Variants in KCNK2 observed in about 807,000 individuals in gnomAD.
KCNK2 encodes the protein potassium two pore domain channel subfamily K member 2, also known as potassium channel subfamily K member 2.
Under a neutral mutation model 40.5 loss-of-function variants are expected in KCNK2, and 21 were observed. That is an observed-to-expected ratio of 0.52 (90% CI 0.37 to 0.75). KCNK2 has a LOEUF of 0.75. Ranked by LOEUF, KCNK2 falls within the 30% of genes least tolerant of loss-of-function variation. The pLI, the probability that KCNK2 is intolerant of heterozygous loss-of-function variation, is 0.00. For synonymous variants in KCNK2, 191 were observed against 202.2 expected, an observed-to-expected ratio of 0.94 and a Z score of 0.47; for missense variants, 399 against 531.6, an observed-to-expected ratio of 0.75 and a Z score of 2.45.
chr1:215,051,975 T>G (rs1658005865), intron 1 of KCNK2, among the ~76,000 whole-genome samples: 2 of 152,216 alleles, frequency 1.3e-5, no homozygotes. Flanking sequence ...TTTCTAACAT[T>G]CAGTAATTTA....
intron 1 of KCNK2, among the ~76,000 whole-genome samples, chr1:215,028,025 T>C (rs1267017601): frequency 6.6e-6 from 1 of 152,204 alleles, no homozygotes; most frequent in East Asian, 1.9e-4. Context: ...TTCCTAAAAA[T>C]ATTAATTTTT....
rs1157701926 is a variant in KCNK2 at position 215,234,933 on chromosome 1, C to T, written c.1069C>T (p.Arg357Trp). ...TGTGGAGATTTATGACAAGTTCCAG[C>T]GGGCCACCTCCATCAAGCGGAAGCT... Reference protein sequence around the residue: ...LSVEIYDKFQRATSIKRKLSA... With the variant: ...LSVEIYDKFQWATSIKRKLSA... The change falls in exon 7 of 7, where the codon CGG becomes TGG. Residue 357 changes from arginine (R) to tryptophan (W), a missense_variant. This residue lies in a region of KCNK2 where 103 missense variants were observed against 124.3 expected (regional missense o/e 0.83). Transcript: ENST00000444842. 13 of 1,613,984 alleles carry T rather than the reference C, an allele frequency of 8.1e-6. No individual in the cohort carries two copies. Among genetic ancestry groups the T allele is most frequent in the Non-Finnish European group, 9.3e-6 (11 of 1,179,990 alleles).
chr1:215,114,537 G>A (rs1367387469), intron 2 of KCNK2, among the ~76,000 whole-genome samples: 1 of 152,144 alleles, frequency 6.6e-6, no homozygotes, highest in African/African-American at 2.4e-5. Flanking sequence ...TAACTGGTGA[G>A]TGTATGGGTG....
intron 2 of KCNK2, among the ~76,000 whole-genome samples, chr1:215,112,694 G>A (rs1444670570): frequency 6.6e-6 from 1 of 151,948 alleles, no homozygotes; most frequent in African/African-American, 2.4e-5. Flanking sequence ...AATTTTTACT[G>A]TATCTATCAT....
At chr1:215,170,438 G>T (rs138840221) in intron 4 of KCNK2, among the ~76,000 whole-genome samples, 41 of 152,192 alleles carry the variant, frequency 2.7e-4, no homozygotes, top group African/African-American at 9.1e-4. Context: ...TAGAGGGTGG[G>T]ATTATAAAGG....
intron 3 of KCNK2, among the ~76,000 whole-genome samples, chr1:215,161,266 T>G (rs956200412): frequency 6.6e-6 from 1 of 152,186 alleles, no homozygotes; most frequent in Non-Finnish European, 1.5e-5. Flanking sequence ...TCTAACCATC[T>G]GAAATTCTTT....
At chr1:215,194,085 A>G (rs1234250550) in intron 5 of KCNK2, among the ~76,000 whole-genome samples, 1 of 152,148 alleles carries the variant, frequency 6.6e-6, no homozygotes, top group Non-Finnish European at 1.5e-5. Flanking sequence ...CTAAATTATG[A>G]ATTTTTCAAG....
chr1:215,019,003 A>C (rs951265746), intron 1 of KCNK2, among the ~76,000 whole-genome samples: 26 of 141,950 alleles, frequency 1.8e-4, no homozygotes, highest in African/African-American at 5.9e-4. Context: ...ACACACAAAA[A>C]AAAAACCATC....
chr1:215,084,842 A>G (rs1659361897), intron 1 of KCNK2, among the ~76,000 whole-genome samples: 1 of 152,124 alleles, frequency 6.6e-6, no homozygotes, highest in Non-Finnish European at 1.5e-5. Flanking sequence ...CACAGCTCTA[A>G]TTTCATCTCT....
chr1:215,095,828 G>A (rs1659951910), intron 2 of KCNK2, among the ~76,000 whole-genome samples: 1 of 152,080 alleles, frequency 6.6e-6, no homozygotes, highest in Non-Finnish European at 1.5e-5. Context: ...AGCAGCTGAA[G>A]ATACAGCAGG....
chr1:215,177,588 C>T (rs1664028712), intron 5 of KCNK2, among the ~76,000 whole-genome samples: 1 of 151,450 alleles, frequency 6.6e-6, no homozygotes, highest in Non-Finnish European at 1.5e-5. Flanking sequence ...CTAGCTATCC[C>T]AGCACCATTT....
intron 3 of KCNK2, among the ~76,000 whole-genome samples, chr1:215,130,335 C>G (rs1191351805): frequency 1.3e-5 from 2 of 152,122 alleles, no homozygotes; most frequent in Middle Eastern, 3.2e-3. Flanking sequence ...CTCCGTACCC[C>G]CTACTTCTAC....
At chr1:215,062,060 C>T (rs1658379722) in intron 1 of KCNK2, among the ~76,000 whole-genome samples, 1 of 152,104 alleles carries the variant, frequency 6.6e-6, no homozygotes, top group Non-Finnish European at 1.5e-5. Context: ...TGCTAACAAT[C>T]TTCAACACAA....
chr1:215,217,789 T>C (rs1419160214), intron 6 of KCNK2, among the ~76,000 whole-genome samples: 2 of 152,222 alleles, frequency 1.3e-5, no homozygotes, highest in African/African-American at 4.8e-5. Context: ...TTAATTATTA[T>C]GATGGACTTA....
At chr1:215,183,190 TG>T (rs1379629324) in intron 5 of KCNK2, among the ~76,000 whole-genome samples, 1 of 152,154 alleles carries the variant, frequency 6.6e-6, no homozygotes, top group African/African-American at 2.4e-5. Context: ...TTTTCCATCT[TG>T]GGGAAAAAAA....
At chr1:215,147,958 T>C (rs1662500728) in intron 3 of KCNK2, among the ~76,000 whole-genome samples, 1 of 152,192 alleles carries the variant, frequency 6.6e-6, no homozygotes. Flanking sequence ...TTGCTCTTTT[T>C]TCTCATCCTA....
chr1:215,209,975 ATATAT>A (rs1665638665), intron 6 of KCNK2, among the ~76,000 whole-genome samples: 5 of 4,014 alleles, frequency 1.2e-3, no homozygotes, highest in Non-Finnish European at 7.7e-3. Flanking sequence ...TATATATTAT[ATATAT>A]TATATATAAT....
chr1:215,202,427 A>G (rs1480381048), intron 6 of KCNK2, among the ~76,000 whole-genome samples: 1 of 152,186 alleles, frequency 6.6e-6, no homozygotes, highest in Non-Finnish European at 1.5e-5. Flanking sequence ...ATTGGAGAGG[A>G]GAATAAAACA....
chr1:215,086,265 G>A, intron 1 of KCNK2, 103 bp from the exon 2 acceptor site: 2 of 908,064 alleles, frequency 2.2e-6, no homozygotes, highest in Non-Finnish European at 3.4e-6. Flanking sequence ...CACTAGGAGA[G>A]CGAGCGGAAT....
Sources: allele counts gnomAD v4.1 joint callset (sites outside exome capture counted in the v4.1 genomes callset), GRCh38; gene constraint gnomAD v4.1.1; regional missense constraint gnomAD v4.1.1; transcripts MANE v1.5; gene names NCBI Gene and HGNC (gene_info 2026-07-23, HGNC 2026-07-21).